Variants in PAPOLA observed in about 807,000 individuals in gnomAD.
PAPOLA encodes polynucleotide adenylyltransferase alpha.
PAPOLA carries 15 observed loss-of-function variants against 100.6 expected under a neutral mutation model. The observed-to-expected ratio is 0.15, with a 90% CI of 0.10 to 0.23. PAPOLA has a LOEUF of 0.23. Ranked by LOEUF, PAPOLA falls within the 10% of genes least tolerant of loss-of-function variation. The pLI is 1.00. For synonymous variants in PAPOLA, 293 were observed against 300.0 expected (o/e 0.98, Z 0.24); for missense variants, 533 against 884.2 (o/e 0.60, Z 5.04).
chr14:96,557,931 T>C (rs1384294996), intron 19 of PAPOLA, among the ~76,000 whole-genome samples: 1 of 152,106 alleles, frequency 6.6e-6, no homozygotes, highest in Non-Finnish European at 1.5e-5. Context: ...ATTTTTTAAT[T>C]TGTGTCATTT....
At chr14:96,548,300 T>C (rs1900552537) in intron 16 of PAPOLA, among the ~76,000 whole-genome samples, 1 of 152,156 alleles carries the variant, frequency 6.6e-6, no homozygotes, top group South Asian at 2.1e-4. Flanking sequence ...GTGAGACTTT[T>C]AAAAAATGAA....
At chr14:96,549,852 GA>G (rs1900694553) in intron 16 of PAPOLA, among the ~76,000 whole-genome samples, 1 of 152,120 alleles carries the variant, frequency 6.6e-6, no homozygotes. Flanking sequence ...ATCACATACA[GA>G]AAATATAAAC....
chr14:96,520,258 C>G (rs369609109), intron 2 of PAPOLA, 30 bp downstream of exon 2: 3 of 1,551,664 alleles, frequency 1.9e-6, no homozygotes, highest in South Asian at 2.4e-5. Context: ...TTTTTTAACT[C>G]GGAAACTTTT....
intron 6 of PAPOLA, among the ~76,000 whole-genome samples, chr14:96,528,362 AT>A (rs1325584734): frequency 6.6e-6 from 1 of 152,224 alleles, no homozygotes. Flanking sequence ...CTTTGACTTC[AT>A]TTAAAAATTG....
At chr14:96,553,807 C>T (rs987075402) in intron 17 of PAPOLA, among the ~76,000 whole-genome samples, 2 of 152,164 alleles carry the variant, frequency 1.3e-5, no homozygotes, top group African/African-American at 4.8e-5. Context: ...GCCACCACGC[C>T]CGGCCTGTAT....
rs1203113998 is a variant in PAPOLA, at chr14:96,527,881, C to A, written c.442-72C>A. 2.0e-5 allele frequency: 20 copies of A among 1,017,438 alleles called. No individual in the cohort carries two copies. In the Admixed American group the frequency reaches 3.4e-4, roughly 17 times the overall value. The allele number at this position is 1,017,438 out of a possible 1,614,324, so 63.0% of individuals were successfully genotyped here. ...AGCTATTTTTGTGTCAGGTGTTTTG[C>A]TAAAGTACTAAAACTAGTAGAGGCT... On this transcript the variant is annotated intron_variant, in intron 5 of 21. Transcript: ENST00000216277.
intron 17 of PAPOLA, 167 bp downstream of exon 17, chr14:96,552,789 G>T: frequency 4.9e-6 from 3 of 606,672 alleles, no homozygotes; most frequent in Non-Finnish European, 5.6e-6. Flanking sequence ...AGTACTTTTT[G>T]GTTTTGTCTT....
At chr14:96,509,965 CTTTTTTT>C (rs11372552) in intron 1 of PAPOLA, among the ~76,000 whole-genome samples, 1 of 84,426 alleles carries the variant, frequency 1.2e-5, no homozygotes, top group Non-Finnish European at 2.4e-5. Flanking sequence ...GTGGGAGTTG[CTTTTTTT>C]TTTTTTTTTT....
chr14:96,553,721 A>G (rs1175007597), intron 17 of PAPOLA, among the ~76,000 whole-genome samples: 2 of 152,098 alleles, frequency 1.3e-5, no homozygotes, highest in Non-Finnish European at 2.9e-5. Flanking sequence ...CATGTTGGCC[A>G]GGCTGGTCTT....
intron 20 of PAPOLA, among the ~76,000 whole-genome samples, chr14:96,562,226 ATTTTC>A (rs1901912234): frequency 6.6e-6 from 1 of 151,444 alleles, no homozygotes; most frequent in African/African-American, 2.4e-5. Context: ...TGTAGATATT[ATTTTC>A]TTTTGTGTAC....
intron 16 of PAPOLA, 57 bp from the exon 17 acceptor site, chr14:96,552,423 G>A: frequency 6.8e-7 from 1 of 1,468,340 alleles, no homozygotes; most frequent in Non-Finnish European, 9.5e-7. Context: ...AGGTTTCCAT[G>A]TTTCAACATT....
At chr14:96,531,179 T>C (rs1208017051) in intron 6 of PAPOLA, among the ~76,000 whole-genome samples, 1 of 152,124 alleles carries the variant, frequency 6.6e-6, no homozygotes, top group East Asian at 1.9e-4. Flanking sequence ...TTTTTTTGTA[T>C]TTTTAATAGA....
rs531456056 is a variant in PAPOLA at position 96,537,155 on chromosome 14, T to C, written c.1115+95T>C. ...ATTTCTTCTTGCTGGACTAATGTTA[T>C]TGGAAGAATTTTCTTTCCTGTCACA... is the stretch of plus-strand genomic sequence containing the variant. On this transcript the variant is annotated intron_variant, in intron 12 of 21. Transcript: ENST00000216277. 695 of 742,888 alleles carry C rather than the reference T, an allele frequency of 9.4e-4. 14 individuals carry two copies. In the South Asian group the frequency reaches 0.01, roughly 11 times the overall value. 46.0% of individuals were successfully genotyped at this position (742,888 alleles called of 1,614,324 possible).
intron 9 of PAPOLA, chr14:96,534,113 A>C (rs1335127097): frequency 4.6e-5 from 46 of 1,008,552 alleles, no homozygotes; most frequent in East Asian, 9.8e-5. Context: ...TAAAATTATC[A>C]CTTGACTTTG....
At chr14:96,514,631 A>G (rs767264376) in intron 1 of PAPOLA, among the ~76,000 whole-genome samples, 4 of 152,220 alleles carry the variant, frequency 2.6e-5, no homozygotes, top group Non-Finnish European at 5.9e-5. Context: ...TATTCTTTCT[A>G]AGTTCCTAAA....
At chr14:96,530,510 C>A (rs1012339510) in intron 6 of PAPOLA, among the ~76,000 whole-genome samples, 1 of 151,952 alleles carries the variant, frequency 6.6e-6, no homozygotes, top group Admixed American at 6.6e-5. Flanking sequence ...CCTCAGCCCC[C>A]CCAAGTAGGT....
intron 1 of PAPOLA, among the ~76,000 whole-genome samples, chr14:96,516,757 G>T (rs1328783675): frequency 3.3e-5 from 5 of 152,150 alleles, no homozygotes; most frequent in Non-Finnish European, 5.9e-5. Flanking sequence ...TTTCCAGCTT[G>T]CGTCTGATTT....
intron 10 of PAPOLA, chr14:96,535,275 C>A: frequency 2.1e-6 from 2 of 974,688 alleles, no homozygotes; most frequent in Non-Finnish European, 2.4e-6. Context: ...TATGCATTTT[C>A]AGGTTTTCCG....
At chr14:96,561,162 G>A (rs1372101713) in intron 20 of PAPOLA, among the ~76,000 whole-genome samples, 1 of 152,134 alleles carries the variant, frequency 6.6e-6, no homozygotes, top group East Asian at 1.9e-4. Flanking sequence ...GATTATAGAA[G>A]CAGTTTTTGG....
Sources: gnomAD v4.1 joint callset for allele counts (sites outside exome capture counted in the v4.1 genomes callset) on GRCh38, gnomAD v4.1.1 for gene constraint, MANE v1.5 for transcripts, NCBI Gene and HGNC (gene_info 2026-07-23, HGNC 2026-07-21) for gene names.